Variants in CDC42BPB observed in about 807,000 individuals in gnomAD.
CDC42BPB encodes serine/threonine-protein kinase MRCK beta.
A neutral mutation model predicts 214.9 loss-of-function variants in CDC42BPB; 37 were observed. The observed-to-expected ratio is 0.17, with a 90% CI of 0.13 to 0.23. The LOEUF (loss-of-function observed/expected upper bound fraction) is 0.23, where lower values mean the gene tolerates loss of function less well. Ranked by LOEUF, CDC42BPB falls within the 10% of genes least tolerant of loss-of-function variation. The probability of loss-of-function intolerance (pLI) is 1.00; values close to 1 mark genes in which losing one functional copy is unlikely to be tolerated. For synonymous variants in CDC42BPB, 931 were observed against 884.0 expected (o/e 1.05, Z -0.94); for missense variants, 1,694 against 2,227.0 (o/e 0.76, Z 4.82).
At chr14:102,939,009 T>C (rs1668035537) in intron 34 of CDC42BPB, among the ~76,000 whole-genome samples, 1 of 151,226 alleles carries the variant, frequency 6.6e-6, no homozygotes, top group South Asian at 2.1e-4. Context: ...CAATCTCGGC[T>C]CACTGCAAGC....
intron 1 of CDC42BPB, among the ~76,000 whole-genome samples, chr14:103,053,812 G>T (rs1372523086): frequency 6.6e-6 from 1 of 151,142 alleles, no homozygotes; most frequent in Non-Finnish European, 1.5e-5. Flanking sequence ...GACCACTGTG[G>T]CAATAAGAAA....
chr14:103,056,818 GGA>G (rs1324143345), intron 1 of CDC42BPB, among the ~76,000 whole-genome samples, 179 bp downstream of exon 1: 1 of 152,056 alleles, frequency 6.6e-6, no homozygotes, highest in Non-Finnish European at 1.5e-5. Context: ...AGGAGCGGCT[GGA>G]GAGAGATGGG....
At chr14:102,947,932 C>T (rs112428469) in intron 26 of CDC42BPB, 130 bp from the exon 27 acceptor site, 22 of 1,522,074 alleles carry the variant, frequency 1.4e-5, no homozygotes, top group African/African-American at 1.4e-4. Context: ...GCGGGTCCCT[C>T]GCCTCCCCAG....
At chr14:102,969,164 G>A (rs1321440821) in intron 14 of CDC42BPB, among the ~76,000 whole-genome samples, 2 of 152,228 alleles carry the variant, frequency 1.3e-5, no homozygotes, top group Non-Finnish European at 2.9e-5. Flanking sequence ...GGCGGCTTCT[G>A]TAAGGTGCTG....
chr14:102,968,805 C>A, intron 14 of CDC42BPB, 89 bp from the exon 15 acceptor site: 1 of 1,556,932 alleles, frequency 6.4e-7, no homozygotes, highest in Middle Eastern at 2.4e-4. Flanking sequence ...CAAGCAAGTG[C>A]AGACACCTTC....
chr14:102,941,460 C>T (rs1253202370), intron 30 of CDC42BPB: 1 of 985,354 alleles, frequency 1.0e-6, no homozygotes, highest in Non-Finnish European at 1.2e-6. Context: ...CTGGCCTGGT[C>T]ACCAAACTGT....
chr14:102,938,070 C>T, intron 36 of CDC42BPB, 34 bp downstream of exon 36: 2 of 1,609,110 alleles, frequency 1.2e-6, no homozygotes, highest in East Asian at 2.2e-5. Flanking sequence ...AGTGGTGGCT[C>T]ATAGCCTCAG....
chr14:102,983,148 T>C (rs1405077877), intron 7 of CDC42BPB, among the ~76,000 whole-genome samples: 1 of 152,138 alleles, frequency 6.6e-6, no homozygotes, highest in Non-Finnish European at 1.5e-5. Flanking sequence ...CCAGTGAATC[T>C]AGAGCCACAG....
chr14:103,028,520 C>G (rs745537459), intron 1 of CDC42BPB, among the ~76,000 whole-genome samples: 1 of 152,202 alleles, frequency 6.6e-6, no homozygotes, highest in African/African-American at 2.4e-5. Flanking sequence ...TGATCACATA[C>G]GCATCACAGA....
chr14:102,952,640 T>C (rs1892542007), intron 23 of CDC42BPB, 37 bp from the exon 24 acceptor site: 1 of 1,595,984 alleles, frequency 6.3e-7, no homozygotes, highest in Non-Finnish European at 8.6e-7. Context: ...AGGTGAACCA[T>C]GGACTCTTGA....
chr14:102,976,350 C>A (rs1307139470), intron 9 of CDC42BPB: 7 of 354,796 alleles, frequency 2.0e-5, no homozygotes, highest in Admixed American at 1.3e-4. Context: ...ATGGATCCTG[C>A]GTAAAGCAAG....
Position 102,943,882 on chromosome 14 carries a change from TA to T in CDC42BPB, c.4408+8del. 1 of 1,596,800 alleles carries T rather than the reference TA, an allele frequency of 6.3e-7. No homozygotes were observed. The highest frequency in any genetic ancestry group is 8.5e-7 in the Non-Finnish European group (1 of 1,173,472). ...CAACAGGGATATGCAACAGAAAACA[TA>T]TACATACTACAGGCGACAGGAGCCG... is the stretch of plus-strand genomic sequence containing the variant. On this transcript the variant is annotated splice_region_variant and intron_variant, in intron 30 of 36. Transcript: ENST00000361246. The surrounding 1 kb of genome is among the most constrained non-coding windows in gnomAD (Gnocchi z 4.6).
At chr14:103,053,797 C>T (rs1469600307) in intron 1 of CDC42BPB, among the ~76,000 whole-genome samples, 1 of 151,358 alleles carries the variant, frequency 6.6e-6, no homozygotes, top group East Asian at 1.9e-4. Flanking sequence ...ACTCTTGTCC[C>T]ATGCGACCAC....
Position 103,004,724 on chromosome 14 carries a change from C to T in CDC42BPB, c.352-701G>A, listed in dbSNP as rs1353550222. ...CTCTACTAAAAACTAGAAAAACTAG[C>T]CAGGTGTGGTGGCAGGTGCCTGTAA... On this transcript the variant is annotated intron_variant, in intron 3 of 36. Coordinates refer to ENST00000361246, the MANE Select transcript of CDC42BPB (RefSeq NM_006035.4). The surrounding 1 kb of genome is among the most constrained non-coding windows in gnomAD (Gnocchi z 5.3). Among the ~76,000 whole-genome samples the T allele has an allele frequency of 6.6e-6, 1 of 151,968 alleles. No homozygotes were observed. The highest frequency in any genetic ancestry group is 6.6e-5 in the Admixed American group (1 of 15,252).
At position 102,950,460 on chromosome 14, in the gene CDC42BPB, G is replaced by A. The variant is rs753683758; in HGVS notation, c.3309+6C>T. 113 of 1,612,524 alleles carry A rather than the reference G, an allele frequency of 7.0e-5. No individual in the cohort carries two copies. The highest frequency in any genetic ancestry group is 1.5e-4 in the Admixed American group (9 of 59,990). On this transcript the variant is annotated splice_donor_region_variant and intron_variant, in intron 25 of 36. Coordinates refer to ENST00000361246, the MANE Select transcript of CDC42BPB (RefSeq NM_006035.4). Reference sequence around the variant, plus strand: ...GAGGGCTGAGGGCGGAGATGAAGCCGCCTACCTTGACATGGCCTTTGTAGG... The same window carrying A: ...GAGGGCTGAGGGCGGAGATGAAGCCACCTACCTTGACATGGCCTTTGTAGG...
chr14:103,035,782 G>A (rs1887629685), intron 1 of CDC42BPB, among the ~76,000 whole-genome samples: 1 of 152,112 alleles, frequency 6.6e-6, no homozygotes, highest in South Asian at 2.1e-4. Flanking sequence ...GGAGCTTGCA[G>A]TGAGCGGAGA....
Position 102,938,366 on chromosome 14 carries a change from TG to T in CDC42BPB, c.4872del (p.Thr1625ProfsTer27). On this transcript the variant is annotated frameshift_variant, in exon 35 of 37. Coordinates refer to ENST00000361246, the MANE Select transcript of CDC42BPB (RefSeq NM_006035.4). LOFTEE classifies it high-confidence loss of function. ...PSQEERPGPA[P>X]TNLARQPPSR... ...GATGGAGGCTGGCGAGCCAGGTTGG[TG>T]GGAGCGGGGCCCGGCCTTTCCTCCT... 1 of 1,586,868 alleles carries T rather than the reference TG, an allele frequency of 6.3e-7. No individual in the cohort carries two copies.
intron 5 of CDC42BPB, among the ~76,000 whole-genome samples, chr14:102,990,805 T>C (rs1211161206): frequency 6.6e-6 from 1 of 152,276 alleles, no homozygotes; most frequent in South Asian, 2.1e-4. Flanking sequence ...AGGAGTCGGC[T>C]AGAATGCCAA....
Position 102,938,191 on chromosome 14 carries a change from G to A in CDC42BPB, c.4934-17C>T, listed in dbSNP as rs1167343685. 3 of 1,612,342 alleles carry A rather than the reference G, an allele frequency of 1.9e-6. No homozygotes were observed. In the Admixed American group the frequency reaches 5.0e-5, roughly 27 times the overall value. On this transcript the variant is annotated splice_polypyrimidine_tract_variant and intron_variant, in intron 35 of 36. Transcript: ENST00000361246. Reference sequence around the variant, plus strand: ...CCGATCCACCTACAGAACAAGGACAGCTTTCCTCTTAGGGAGAAAGTCAAG... The same window carrying A: ...CCGATCCACCTACAGAACAAGGACAACTTTCCTCTTAGGGAGAAAGTCAAG...
Sources: gnomAD v4.1 joint callset for allele counts (sites outside exome capture counted in the v4.1 genomes callset) on GRCh38, gnomAD v4.1.1 for gene constraint, Gnocchi (gnomAD v3.1) non-coding constraint, MANE v1.5 for transcripts, NCBI Gene and HGNC (gene_info 2026-07-23, HGNC 2026-07-21) for gene names.